Variants in HCRTR2 observed in about 807,000 individuals in gnomAD.
HCRTR2 encodes the protein hypocretin receptor 2.
In HCRTR2, 22 loss-of-function variants were observed where a neutral mutation model predicts 49.0. That is an observed-to-expected ratio of 0.45 (90% CI 0.32 to 0.64). HCRTR2 has a LOEUF of 0.64. Ranked by LOEUF, HCRTR2 falls within the 30% of genes least tolerant of loss-of-function variation. The probability of loss-of-function intolerance (pLI) is 0.04; values close to 1 mark genes in which losing one functional copy is unlikely to be tolerated. For missense variants in HCRTR2, 491 were observed against 559.4 expected, an observed-to-expected ratio of 0.88 and a Z score of 1.23; for synonymous variants, 236 against 205.3, an observed-to-expected ratio of 1.15 and a Z score of -1.28.
At chr6:55,153,225 T>C (rs921359136) in intron 1 of HCRTR2, among the ~76,000 whole-genome samples, 7 of 152,008 alleles carry the variant, frequency 4.6e-5, no homozygotes, top group Admixed American at 4.6e-4. Flanking sequence ...CATATGGTCA[T>C]ATATCACTTA....
chr6:55,141,322 C>A (rs12199547), intron 1 of HCRTR2, among the ~76,000 whole-genome samples: 4 of 151,448 alleles, frequency 2.6e-5, no homozygotes, highest in South Asian at 2.1e-4. Context: ...CCAGCCTGGG[C>A]GACAGAGCAA....
chr6:55,198,437 C>G (rs1469395841), intron 1 of HCRTR2, among the ~76,000 whole-genome samples: 1 of 152,132 alleles, frequency 6.6e-6, no homozygotes, highest in African/African-American at 2.4e-5. Context: ...GTTCAGGCTA[C>G]TTTTAACCCT....
chr6:55,221,442 G>A (rs1209003847), intron 1 of HCRTR2, among the ~76,000 whole-genome samples: 3 of 152,134 alleles, frequency 2.0e-5, no homozygotes, highest in Non-Finnish European at 4.4e-5. Flanking sequence ...CAACAATTGT[G>A]TTGGGAAAAC....
At position 55,183,165 on chromosome 6, in the gene HCRTR2, G is replaced by C. The variant is rs946056885; in HGVS notation, c.223+8355G>C. The stretch of plus-strand genomic sequence containing the variant: ...CATAAACACATACTTTTAAAATAAC[G>C]TGGTAAGTGCTACTATGACAGATGG... On this transcript the variant is annotated intron_variant, in intron 1 of 6. Coordinates refer to ENST00000370862, the MANE Select transcript of HCRTR2 (RefSeq NM_001384272.1). Among the ~76,000 whole-genome samples the C allele has an allele frequency of 9.2e-5, 14 of 152,266 alleles. No individual in the cohort carries two copies. In the East Asian group the frequency reaches 1.4e-3, roughly 15 times the overall value.
At chr6:55,129,102 C>T (rs1447953923) in intron 1 of HCRTR2, among the ~76,000 whole-genome samples, 1 of 152,114 alleles carries the variant, frequency 6.6e-6, no homozygotes, top group African/African-American at 2.4e-5. Flanking sequence ...CCCTAGAAAA[C>T]AGTCTTTGAC....
intron 1 of HCRTR2, among the ~76,000 whole-genome samples, chr6:55,215,804 T>C (rs1765776535): frequency 6.6e-6 from 1 of 152,196 alleles, no homozygotes; most frequent in Non-Finnish European, 1.5e-5. Context: ...AGAAAATACC[T>C]ACAGGTAATA....
intron 1 of HCRTR2, among the ~76,000 whole-genome samples, chr6:55,183,354 CA>C (rs1487301939): frequency 6.6e-6 from 1 of 152,090 alleles, no homozygotes; most frequent in Non-Finnish European, 1.5e-5. Flanking sequence ...GAGGAAACAA[CA>C]TAAGCAAAAT....
intron 4 of HCRTR2, among the ~76,000 whole-genome samples, chr6:55,277,155 T>G (rs1057100224): frequency 4.6e-5 from 7 of 152,172 alleles, no homozygotes; most frequent in African/African-American, 1.7e-4. Context: ...TTGACAAAAT[T>G]TTGATGTTTT....
At chr6:55,282,923 A>T (rs765029323), downstream of HCRTR2, among the ~76,000 whole-genome samples, 2 of 152,156 alleles carry the variant, frequency 1.3e-5, no homozygotes, top group African/African-American at 4.8e-5. Flanking sequence ...GACTGTTGTT[A>T]TAATGTGATA....
At chr6:55,260,018 C>T (rs1243458981) in intron 3 of HCRTR2, among the ~76,000 whole-genome samples, 3 of 151,942 alleles carry the variant, frequency 2.0e-5, no homozygotes, top group Admixed American at 6.6e-5. Flanking sequence ...ATCTTTTTTC[C>T]ATATCAGTGT....
intron 1 of HCRTR2, among the ~76,000 whole-genome samples, chr6:55,147,161 A>G (rs560664297): frequency 3.3e-4 from 51 of 152,288 alleles, no homozygotes; most frequent in Non-Finnish European, 6.6e-4. Context: ...AATTACTTAT[A>G]TTCAGTTATT....
At chr6:55,146,297 C>T (rs1764579840) in intron 1 of HCRTR2, among the ~76,000 whole-genome samples, 1 of 152,200 alleles carries the variant, frequency 6.6e-6, no homozygotes, top group South Asian at 2.1e-4. Context: ...AGGAAGGACA[C>T]TGGCATTAAT....
At chr6:55,233,769 C>G (rs1475380675) in intron 1 of HCRTR2, among the ~76,000 whole-genome samples, 1 of 152,012 alleles carries the variant, frequency 6.6e-6, no homozygotes, top group African/African-American at 2.4e-5. Flanking sequence ...TGCAAATAGT[C>G]TTTGCTTTAT....
At chr6:55,272,847 CTTTTTTT>C (rs993989385) in intron 4 of HCRTR2, among the ~76,000 whole-genome samples, 3 of 111,308 alleles carry the variant, frequency 2.7e-5, no homozygotes, top group Admixed American at 9.3e-5. Flanking sequence ...GAGGGAAAAC[CTTTTTTT>C]TTTTTTTTTT....
rs777251944 is a variant in HCRTR2, at chr6:55,280,459, G to T, written c.1105+15G>T. The T allele has an allele frequency of 6.2e-7, 1 of 1,611,206 alleles. No homozygotes were observed. Among genetic ancestry groups the T allele is most frequent in the South Asian group, 1.1e-5 (1 of 91,046 alleles). ...TTTTCTCAGTGGTGAGTTTTCAACT[G>T]TTCTTCCATAAGCCACAATTGTAAC... On this transcript the variant is annotated intron_variant, in intron 6 of 6. Transcript: ENST00000370862.
intron 1 of HCRTR2, among the ~76,000 whole-genome samples, chr6:55,164,941 C>T (rs1320102668): frequency 6.6e-6 from 1 of 152,018 alleles, no homozygotes; most frequent in Admixed American, 6.6e-5. Context: ...GGAATTCAGA[C>T]TTCTATCAGA....
At chr6:55,182,842 A>G (rs1421655670) in intron 1 of HCRTR2, among the ~76,000 whole-genome samples, 1 of 152,234 alleles carries the variant, frequency 6.6e-6, no homozygotes, top group African/African-American at 2.4e-5. Flanking sequence ...AATCAATCAT[A>G]TCGTATCAAC....
At chr6:55,186,304 T>G (rs2127275599) in intron 1 of HCRTR2, among the ~76,000 whole-genome samples, 1 of 152,294 alleles carries the variant, frequency 6.6e-6, no homozygotes, top group African/African-American at 2.4e-5. Context: ...GGCTTTAAAT[T>G]TCTTCTATAT....
chr6:55,144,050 C>T (rs1764544792), intron 1 of HCRTR2, among the ~76,000 whole-genome samples: 1 of 147,938 alleles, frequency 6.8e-6, no homozygotes, highest in Admixed American at 6.7e-5. Flanking sequence ...CATTTCATTT[C>T]AGTTCTTTTA....
Sources: allele counts gnomAD v4.1 joint callset (sites outside exome capture counted in the v4.1 genomes callset), GRCh38; gene constraint gnomAD v4.1.1; transcripts MANE v1.5; gene names NCBI Gene and HGNC (gene_info 2026-07-23, HGNC 2026-07-21).